GAN: variants seen among roughly 807,000 people sequenced by gnomAD.
The protein encoded by GAN is gigaxonin, also known as epididymis secretory sperm binding protein.
In GAN, 48 loss-of-function variants were observed where a neutral mutation model predicts 71.3. That is an observed-to-expected ratio of 0.67 (90% CI 0.53 to 0.86). The LOEUF (loss-of-function observed/expected upper bound fraction) is 0.86. Ranked by LOEUF, GAN falls within the 40% of genes least tolerant of loss-of-function variation. The probability of loss-of-function intolerance (pLI) is 0.00; values close to 1 mark genes in which losing one functional copy is unlikely to be tolerated. For missense variants in GAN, 928 were observed against 770.1 expected, an observed-to-expected ratio of 1.21 and a Z score of -2.43; for synonymous variants, 386 against 276.8, an observed-to-expected ratio of 1.39 and a Z score of -3.92.
At chr16:81,332,167 A>C (rs1444795816) in intron 1 of GAN, among the ~76,000 whole-genome samples, 3 of 151,932 alleles carry the variant, frequency 2.0e-5, no homozygotes, top group African/African-American at 7.2e-5. Context: ...GTCTCAAAAA[A>C]AAAAAAAAAG....
At chr16:81,351,997 T>C (rs1910315941) in intron 2 of GAN, among the ~76,000 whole-genome samples, 1 of 152,172 alleles carries the variant, frequency 6.6e-6, no homozygotes, top group South Asian at 2.1e-4. Context: ...CTGACTGCTG[T>C]GTTTTTGGTT....
rs1904506159 is a variant in GAN, at chr16:81,389,597, A to G, written c.*12001A>G. 1 of 152,238 alleles carries G rather than the reference A, an allele frequency of 6.6e-6. No individual in the cohort carries two copies. 9.4% of individuals were successfully genotyped at this position (152,238 alleles called of 1,614,324 possible). On this transcript the variant is annotated 3_prime_UTR_variant, in exon 11 of 11. Coordinates refer to ENST00000648994, the MANE Select transcript of GAN (RefSeq NM_022041.4). ...AGCAGTGACAGTGATGTCTGTACCT[A>G]TCTGTGAGTGAGACCCATTCATGAC... is the stretch of plus-strand genomic sequence containing the variant.
chr16:81,362,433 A>T, intron 5 of GAN, 66 bp from the exon 6 acceptor site: 1 of 814,616 alleles, frequency 1.2e-6, no homozygotes, highest in East Asian at 2.4e-5. Flanking sequence ...GTTTCTATAT[A>T]TGCTGTGGCG....
chr16:81,335,711 C>T (rs576391336), intron 1 of GAN, among the ~76,000 whole-genome samples: 13 of 141,362 alleles, frequency 9.2e-5, no homozygotes, highest in African/African-American at 3.2e-4. Context: ...CACGACACTG[C>T]GCTCCAGCCT....
chr16:81,365,620 A>G (rs1415017776), intron 9 of GAN, 142 bp downstream of exon 9: 6 of 817,094 alleles, frequency 7.3e-6, no homozygotes, highest in Non-Finnish European at 1.1e-5. Flanking sequence ...CTAGATATTT[A>G]TTCAGTGACT....
intron 4 of GAN, 43 bp downstream of exon 4, chr16:81,357,045 A>T (rs768204289): frequency 1.8e-6 from 2 of 1,110,266 alleles, no homozygotes; most frequent in South Asian, 2.5e-5. Flanking sequence ...GTGTATGGGA[A>T]GAGGTAGTTC....
chr16:81,336,283 A>C (rs1299573371), intron 1 of GAN, among the ~76,000 whole-genome samples: 1 of 152,154 alleles, frequency 6.6e-6, no homozygotes, highest in East Asian at 1.9e-4. Flanking sequence ...TCTTCCATGT[A>C]GATGGAATTC....
chr16:81,363,771 A>G (rs764025107), intron 6 of GAN, 23 bp from the exon 7 acceptor site: 9 of 1,609,912 alleles, frequency 5.6e-6, no homozygotes, highest in Non-Finnish European at 7.7e-6. Flanking sequence ...TTGTGTGTTC[A>G]GGGATCGCTA....
intron 5 of GAN, 55 bp downstream of exon 5, chr16:81,357,986 CA>C: frequency 6.9e-7 from 1 of 1,441,496 alleles, no homozygotes; most frequent in Non-Finnish European, 9.8e-7. Flanking sequence ...TGTGTAATCT[CA>C]AGGTTTTACA....
intron 1 of GAN, among the ~76,000 whole-genome samples, chr16:81,338,327 T>C (rs1046224735): frequency 1.3e-5 from 2 of 152,232 alleles, no homozygotes; most frequent in African/African-American, 4.8e-5. Flanking sequence ...TGTATGATCC[T>C]GTAGCCTCCT....
intron 1 of GAN, among the ~76,000 whole-genome samples, chr16:81,339,764 C>T (rs1187770728): frequency 6.6e-6 from 1 of 152,098 alleles, no homozygotes; most frequent in Admixed American, 6.6e-5. Context: ...TGTAGAACAG[C>T]TGGCATTACA....
At chr16:81,369,448 C>G (rs1203352053) in intron 9 of GAN, among the ~76,000 whole-genome samples, 1 of 152,208 alleles carries the variant, frequency 6.6e-6, no homozygotes, top group Non-Finnish European at 1.5e-5. Context: ...AAGTGGATCT[C>G]GGAAAATCTT....
intron 1 of GAN, among the ~76,000 whole-genome samples, chr16:81,342,812 C>T (rs909543365): frequency 2.6e-5 from 4 of 151,202 alleles, no homozygotes; most frequent in African/African-American, 9.7e-5. Context: ...GGAGACACAA[C>T]CCTTCAAAAA....
Position 81,349,620 on chromosome 16 carries a change from G to A in GAN, c.168-1963G>A, listed in dbSNP as rs1326401742. On this transcript the variant is annotated intron_variant, in intron 1 of 10. Coordinates refer to ENST00000648994, the MANE Select transcript of GAN (RefSeq NM_022041.4). The stretch of plus-strand genomic sequence containing the variant: ...GATTGCGCCACTGCACTCCAGACTG[G>A]GTGACAGAGTGAGACCCTGTCTCAA... Among the ~76,000 whole-genome samples the A allele has an allele frequency of 2.6e-5, 4 of 152,170 alleles. No homozygotes were observed. The East Asian group carries it at 7.7e-4, about 29-fold the overall frequency.
At chr16:81,334,807 A>G (rs1251006061) in intron 1 of GAN, among the ~76,000 whole-genome samples, 1 of 152,214 alleles carries the variant, frequency 6.6e-6, no homozygotes, top group Non-Finnish European at 1.5e-5. Flanking sequence ...TCAGAACCAC[A>G]TGAGAATAGT....
intron 1 of GAN, 110 bp downstream of exon 1, chr16:81,315,390 G>C (rs1908998568): frequency 4.1e-6 from 3 of 724,870 alleles, no homozygotes; most frequent in Admixed American, 4.7e-5. Context: ...CCGGCGCCGG[G>C]GTCCCCGCGT....
intron 3 of GAN, among the ~76,000 whole-genome samples, chr16:81,355,371 G>C (rs1391217129): frequency 6.6e-6 from 1 of 152,174 alleles, no homozygotes; most frequent in Non-Finnish European, 1.5e-5. Flanking sequence ...AGGGTTTTGA[G>C]GGGGCAGAGA....
chr16:81,369,463 A>G (rs1313918426), intron 9 of GAN, among the ~76,000 whole-genome samples: 1 of 152,206 alleles, frequency 6.6e-6, no homozygotes, highest in Admixed American at 6.5e-5. Context: ...AATCTTGGAA[A>G]ATTTTTATTT....
chr16:81,375,868 G>A (rs1402604592), intron 9 of GAN, among the ~76,000 whole-genome samples: 2 of 151,810 alleles, frequency 1.3e-5, no homozygotes, highest in Non-Finnish European at 1.5e-5. Context: ...TATTTGGGAG[G>A]GTGGGGTGAG....
Sources: allele counts gnomAD v4.1 joint callset (sites outside exome capture counted in the v4.1 genomes callset), GRCh38; gene constraint gnomAD v4.1.1; transcripts MANE v1.5; gene names NCBI Gene and HGNC (gene_info 2026-07-23, HGNC 2026-07-21).